SPTLC3: variants seen among roughly 807,000 people sequenced by gnomAD.
The protein encoded by SPTLC3 is serine palmitoyltransferase 3.
A neutral mutation model predicts 59.3 loss-of-function variants in SPTLC3; 36 were observed. The observed-to-expected ratio is 0.61, with a 90% confidence interval of 0.47 to 0.80. The LOEUF is 0.80. Ranked by LOEUF, SPTLC3 falls within the 30% of genes least tolerant of loss-of-function variation. The pLI, the probability that SPTLC3 is intolerant of heterozygous loss-of-function variation, is 0.00. For synonymous variants in SPTLC3, 257 were observed against 240.8 expected (o/e 1.07, Z -0.62); for missense variants, 625 against 685.1 (o/e 0.91, Z 0.98).
intron 1 of SPTLC3, among the ~76,000 whole-genome samples, chr20:13,044,049 C>A (rs1478108518): frequency 2.0e-5 from 3 of 152,002 alleles, no homozygotes; most frequent in Non-Finnish European, 2.9e-5. Context: ...CCTCATTCTC[C>A]CTCTTCTCCC....
intron 8 of SPTLC3, among the ~76,000 whole-genome samples, chr20:13,126,153 C>A (rs1210419022): frequency 2.6e-5 from 4 of 152,160 alleles, no homozygotes; most frequent in African/African-American, 9.7e-5. Flanking sequence ...TGTTGCATGT[C>A]CTAGTTTGCA....
At chr20:13,079,321 T>C (rs1443714770) in intron 4 of SPTLC3, among the ~76,000 whole-genome samples, 1 of 152,164 alleles carries the variant, frequency 6.6e-6, no homozygotes, top group Non-Finnish European at 1.5e-5. Flanking sequence ...AGAAGAGTAT[T>C]TCAGATCAGG....
intron 9 of SPTLC3, among the ~76,000 whole-genome samples, chr20:13,129,640 C>T (rs1476830875): frequency 1.3e-5 from 2 of 152,170 alleles, no homozygotes; most frequent in South Asian, 2.1e-4. Context: ...ATATGTCATC[C>T]GAATCAGTTG....
At chr20:13,049,429 A>C (rs755083148) in intron 2 of SPTLC3, 108 of 250,966 alleles carry the variant, frequency 4.3e-4, no homozygotes, top group Non-Finnish European at 7.5e-4. Context: ...ATAATTTTGA[A>C]GATAAAAACA....
chr20:13,143,356 T>C (rs2038430392), intron 9 of SPTLC3, among the ~76,000 whole-genome samples: 1 of 152,168 alleles, frequency 6.6e-6, no homozygotes, highest in African/African-American at 2.4e-5. Flanking sequence ...AAAGTATATA[T>C]ATATATTCTG....
At chr20:13,139,445 G>C (rs8119743) in intron 9 of SPTLC3, among the ~76,000 whole-genome samples, 1 of 152,130 alleles carries the variant, frequency 6.6e-6, no homozygotes, top group Non-Finnish European at 1.5e-5. Flanking sequence ...GGGCAAGACA[G>C]TTCTCTTCCA....
chr20:13,040,081 G>T (rs1986911256), intron 1 of SPTLC3, among the ~76,000 whole-genome samples: 1 of 147,684 alleles, frequency 6.8e-6, no homozygotes, highest in African/African-American at 2.5e-5. Context: ...GTGTGTGTAT[G>T]TATACATATT....
chr20:13,059,298 GCTGTTTCA>G (rs1987854661), intron 2 of SPTLC3, among the ~76,000 whole-genome samples: 2 of 152,160 alleles, frequency 1.3e-5, no homozygotes, highest in African/African-American at 4.8e-5. Flanking sequence ...TAGTTCTTTC[GCTGTTTCA>G]CTGTTACGTC....
intron 1 of SPTLC3, among the ~76,000 whole-genome samples, chr20:13,020,716 C>A (rs2327447): frequency 0.57 from 85,890 of 151,918 alleles, 26,940 homozygotes; most frequent in South Asian, 0.72. Flanking sequence ...ATGTGAACTC[C>A]TTAAGGAGGA....
At chr20:13,027,093 C>T (rs1321383198) in intron 1 of SPTLC3, among the ~76,000 whole-genome samples, 2 of 152,178 alleles carry the variant, frequency 1.3e-5, no homozygotes, top group Non-Finnish European at 2.9e-5. Context: ...TCATTGGTTT[C>T]CTTCCCTTTT....
intron 2 of SPTLC3, among the ~76,000 whole-genome samples, chr20:13,056,540 C>G (rs1373369366): frequency 6.6e-6 from 1 of 150,722 alleles, no homozygotes; most frequent in Admixed American, 6.6e-5. Flanking sequence ...CCTCCACCAC[C>G]TGGGCTCAAG....
chr20:13,053,097 G>C (rs1253646131), intron 2 of SPTLC3, among the ~76,000 whole-genome samples: 1 of 152,186 alleles, frequency 6.6e-6, no homozygotes, highest in African/African-American at 2.4e-5. Context: ...CCTCCTGACT[G>C]GGAGACACCT....
At chr20:13,059,145 A>G (rs1031684382) in intron 2 of SPTLC3, among the ~76,000 whole-genome samples, 2 of 152,200 alleles carry the variant, frequency 1.3e-5, no homozygotes, top group African/African-American at 4.8e-5. Flanking sequence ...AGTTGTTTAC[A>G]TATCTCCCCT....
intron 9 of SPTLC3, among the ~76,000 whole-genome samples, chr20:13,151,664 A>G (rs2038651437): frequency 6.6e-6 from 1 of 152,224 alleles, no homozygotes; most frequent in Admixed American, 6.5e-5. Flanking sequence ...TTGTTAACAC[A>G]ATTAAGGTGT....
chr20:13,034,802 G>T (rs572362070), intron 1 of SPTLC3, among the ~76,000 whole-genome samples: 1 of 151,902 alleles, frequency 6.6e-6, no homozygotes, highest in African/African-American at 2.4e-5. Context: ...AAAAAAAAAT[G>T]CTGTTATAGA....
At chr20:13,113,135 A>T (rs913538374) in intron 7 of SPTLC3, among the ~76,000 whole-genome samples, 1 of 152,168 alleles carries the variant, frequency 6.6e-6, no homozygotes, top group Non-Finnish European at 1.5e-5. Context: ...GTGAGCCAAG[A>T]TCATGCCACT....
At chr20:13,032,327 G>A (rs1986519561) in intron 1 of SPTLC3, among the ~76,000 whole-genome samples, 1 of 152,162 alleles carries the variant, frequency 6.6e-6, no homozygotes. Flanking sequence ...GTCATTCCAA[G>A]TGGGGTCCAG....
At chr20:13,065,569 A>G (rs1237396007) in intron 2 of SPTLC3, among the ~76,000 whole-genome samples, 1 of 152,076 alleles carries the variant, frequency 6.6e-6, no homozygotes, top group African/African-American at 2.4e-5. Context: ...CTGTTTTGAT[A>G]GGTTAAAAAT....
intron 2 of SPTLC3, among the ~76,000 whole-genome samples, chr20:13,057,130 T>C (rs1987763537): frequency 6.6e-6 from 1 of 152,180 alleles, no homozygotes; most frequent in Non-Finnish European, 1.5e-5. Context: ...CATTTTGAAT[T>C]CTCTTGCTCA....
Sources: allele counts gnomAD v4.1 joint callset (sites outside exome capture counted in the v4.1 genomes callset), GRCh38; gene constraint gnomAD v4.1.1; transcripts MANE v1.5; gene names NCBI Gene and HGNC (gene_info 2026-07-23, HGNC 2026-07-21).